The following ACVR1C variants were observed in gnomAD, a reference collection of about 807,000 sequenced individuals.
ACVR1C encodes the protein activin receptor type-1C.
A neutral mutation model predicts 57.9 loss-of-function variants in ACVR1C; 23 were observed. The ratio of observed to expected loss-of-function variants is 0.40; its 90% CI spans 0.29 to 0.56. The LOEUF (loss-of-function observed/expected upper bound fraction) is 0.56, where lower values mean the gene tolerates loss of function less well. Ranked by LOEUF, ACVR1C falls within the 20% of genes least tolerant of loss-of-function variation. The probability of loss-of-function intolerance (pLI) is 0.50; values close to 1 mark genes in which losing one functional copy is unlikely to be tolerated. For synonymous variants in ACVR1C, 214 were observed against 215.3 expected (o/e 0.99, Z 0.05); for missense variants, 480 against 607.9 (o/e 0.79, Z 2.21).
chr2:157,545,183 C>T (rs1156956171), intron 4 of ACVR1C, among the ~76,000 whole-genome samples: 1 of 152,072 alleles, frequency 6.6e-6, no homozygotes, highest in Non-Finnish European at 1.5e-5. Context: ...CCTCATTTAG[C>T]CAAAACCTAA....
intron 2 of ACVR1C, among the ~76,000 whole-genome samples, chr2:157,562,405 T>C (rs1158162368): frequency 1.4e-5 from 2 of 145,372 alleles, no homozygotes; most frequent in South Asian, 2.1e-4. Context: ...AATCCCTGAA[T>C]AGACCAATAA....
chr2:157,558,082 G>A (rs1472602892), intron 2 of ACVR1C, among the ~76,000 whole-genome samples: 4 of 152,114 alleles, frequency 2.6e-5, no homozygotes, highest in Non-Finnish European at 2.9e-5. Context: ...GTCTCCTAGA[G>A]GAGACTTAGG....
At position 157,550,309 on chromosome 2, in the gene ACVR1C, A is replaced by G. The variant is rs1465646651; in HGVS notation, c.628T>C (p.Trp210Arg). ...TCTTCCCCACACCATCTTCCATGCCACACCTCACCAAATCTACCTTTTCCT... is the reference window on the plus strand; with the variant it reads ...TCTTCCCCACACCATCTTCCATGCCGCACCTCACCAAATCTACCTTTTCCT... The part of the protein sequence containing the change: ...IVGKGRFGEV[W>R]HGRWCGEDVA... Residue 210 changes from tryptophan to arginine, a missense_variant, in exon 4 of 9, where the codon TGG becomes CGG. Trp to Arg is a moderately radical substitution (Grantham distance 101, BLOSUM62 -3). Coordinates refer to ENST00000243349, the MANE Select transcript of ACVR1C (RefSeq NM_145259.3). 2.5e-6 allele frequency: 4 copies of G among 1,614,032 alleles called. No individual in the cohort carries two copies. The highest frequency in any genetic ancestry group is 2.5e-6 in the Non-Finnish European group (3 of 1,180,020).
chr2:157,608,786 A>C (rs1242742834), intron 1 of ACVR1C, among the ~76,000 whole-genome samples: 1 of 151,690 alleles, frequency 6.6e-6, no homozygotes, highest in Non-Finnish European at 1.5e-5. Flanking sequence ...ACAGTCTCTG[A>C]TGGTCTTTTG....
intron 2 of ACVR1C, among the ~76,000 whole-genome samples, chr2:157,574,857 A>G (rs1423940253): frequency 6.6e-6 from 1 of 152,230 alleles, no homozygotes; most frequent in Non-Finnish European, 1.5e-5. Flanking sequence ...TCCTACAGTG[A>G]AACCATCATC....
intron 2 of ACVR1C, among the ~76,000 whole-genome samples, chr2:157,562,727 A>G (rs1231423279): frequency 6.6e-6 from 1 of 152,134 alleles, no homozygotes; most frequent in East Asian, 1.9e-4. Flanking sequence ...CCTCAATAAA[A>G]TACTGCTAAG....
chr2:157,539,564 T>C (rs1307846083), intron 7 of ACVR1C, among the ~76,000 whole-genome samples: 2 of 152,234 alleles, frequency 1.3e-5, no homozygotes, highest in Admixed American at 6.5e-5. Flanking sequence ...TCTAGACTAA[T>C]ATCAATATGA....
At chr2:157,592,383 T>C (rs1689068536) in intron 1 of ACVR1C, among the ~76,000 whole-genome samples, 1 of 152,054 alleles carries the variant, frequency 6.6e-6, no homozygotes, top group Admixed American at 6.6e-5. Context: ...AAAGTAAAAG[T>C]TACAAATCTT....
intron 1 of ACVR1C, among the ~76,000 whole-genome samples, chr2:157,626,291 T>C (rs1326475647): frequency 6.6e-6 from 1 of 152,152 alleles, no homozygotes; most frequent in South Asian, 2.1e-4. Flanking sequence ...TTAATTCCAG[T>C]CCAGACCAAT....
At chr2:157,625,691 T>C (rs1017170632) in intron 1 of ACVR1C, among the ~76,000 whole-genome samples, 1 of 152,164 alleles carries the variant, frequency 6.6e-6, no homozygotes, top group Admixed American at 6.5e-5. Flanking sequence ...ATTTATTCCA[T>C]TTTTGGAGTA....
At chr2:157,579,172 C>T (rs1223560197) in intron 2 of ACVR1C, among the ~76,000 whole-genome samples, 1 of 152,068 alleles carries the variant, frequency 6.6e-6, no homozygotes, top group Non-Finnish European at 1.5e-5. Context: ...CTTCTCAATT[C>T]TGGAAATTTT....
At chr2:157,587,959 T>C (rs1213998828) in intron 1 of ACVR1C, among the ~76,000 whole-genome samples, 7 of 152,082 alleles carry the variant, frequency 4.6e-5, no homozygotes, top group Non-Finnish European at 7.4e-5. Context: ...ATTTATTTTC[T>C]GTGACACTTT....
At chr2:157,616,320 C>T (rs990480006) in intron 1 of ACVR1C, among the ~76,000 whole-genome samples, 2 of 152,010 alleles carry the variant, frequency 1.3e-5, no homozygotes, top group Admixed American at 6.6e-5. Context: ...ATTTATGATT[C>T]TTTCTTTGGC....
At chr2:157,581,749 C>G (rs996578408) in intron 2 of ACVR1C, among the ~76,000 whole-genome samples, 1 of 152,206 alleles carries the variant, frequency 6.6e-6, no homozygotes, top group Admixed American at 6.5e-5. Flanking sequence ...GAGATTTTGT[C>G]CGGCCTCTTC....
rs1687368345 is a variant in ACVR1C at position 157,532,227 on chromosome 2, C to G, written c.*1691G>C. The G allele has an allele frequency of 1.3e-5, 2 of 151,920 alleles. No individual in the cohort carries two copies. The highest frequency in any genetic ancestry group is 4.8e-5 in the African/African-American group (2 of 41,374). 9.4% of individuals were successfully genotyped at this position (151,920 alleles called of 1,614,324 possible). On this transcript the variant is annotated 3_prime_UTR_variant, in exon 9 of 9. Transcript: ENST00000243349. ...AGTATATCCTTCAGAACGCTATTAC[C>G]CAAGCTGTGCTTTGCTTTATAGAAC...
chr2:157,554,201 G>GAA (rs1388320584), intron 3 of ACVR1C, among the ~76,000 whole-genome samples: 1 of 41,440 alleles, frequency 2.4e-5, no homozygotes, highest in Admixed American at 3.5e-4. Flanking sequence ...ATAAAGAAGA[G>GAA]AGAAAGAAAG....
At chr2:157,616,455 T>C (rs531271577) in intron 1 of ACVR1C, among the ~76,000 whole-genome samples, 18 of 152,310 alleles carry the variant, frequency 1.2e-4, no homozygotes, top group African/African-American at 4.1e-4. Flanking sequence ...TGTTCATGCA[T>C]ATTTTCCACA....
At chr2:157,556,657 CTT>C (rs1169628343) in intron 2 of ACVR1C, among the ~76,000 whole-genome samples, 944 of 87,726 alleles carry the variant, frequency 0.011, 5 homozygotes, top group African/African-American at 0.044. Flanking sequence ...CAGCAGTACA[CTT>C]TTTTTTTTTT....
chr2:157,597,600 G>A (rs544218487), intron 1 of ACVR1C: 1 of 984,016 alleles, frequency 1.0e-6, no homozygotes, highest in Admixed American at 6.1e-5. Flanking sequence ...GGCGCACCCG[G>A]GTACCATCTA....
Sources: gnomAD v4.1 joint callset for allele counts (sites outside exome capture counted in the v4.1 genomes callset) on GRCh38, gnomAD v4.1.1 for gene constraint, MANE v1.5 for transcripts, NCBI Gene and HGNC (gene_info 2026-07-23, HGNC 2026-07-21) for gene names.